Variants in KIAA0753 observed in about 807,000 individuals in gnomAD.
The protein encoded by KIAA0753 is protein moonraker.
A neutral mutation model predicts 116.9 loss-of-function variants in KIAA0753; 114 were observed. The ratio of observed to expected loss-of-function variants is 0.98; its 90% CI spans 0.84 to 1.14. The LOEUF (loss-of-function observed/expected upper bound fraction) is 1.14. Ranked by LOEUF, KIAA0753 falls within the 50% of genes most tolerant of loss-of-function variation. KIAA0753 has a pLI of 0.00. For missense variants in KIAA0753, 1,156 were observed against 1,172.4 expected, an observed-to-expected ratio of 0.99 and a Z score of 0.20; for synonymous variants, 405 against 413.1, an observed-to-expected ratio of 0.98 and a Z score of 0.24.
At chr17:6,635,979 C>T (rs1770307686) in intron 1 of KIAA0753, 1 of 152,146 alleles carries the variant, frequency 6.6e-6, no homozygotes. Context: ...CTTCTATTTC[C>T]CATTACAAAG....
At chr17:6,581,531 G>C (rs1968179588) in intron 18 of KIAA0753, among the ~76,000 whole-genome samples, 1 of 152,176 alleles carries the variant, frequency 6.6e-6, no homozygotes, top group Admixed American at 6.5e-5. Flanking sequence ...GATACTTTGA[G>C]ACTATGTAAA....
At chr17:6,631,154 A>C (rs558749129) in intron 2 of KIAA0753, among the ~76,000 whole-genome samples, 2 of 152,352 alleles carry the variant, frequency 1.3e-5, no homozygotes, top group South Asian at 4.1e-4. Flanking sequence ...AGGATAGTGG[A>C]AAACCCCCAA....
At chr17:6,590,404 A>G in intron 17 of KIAA0753, 106 bp downstream of exon 17, 1 of 1,390,158 alleles carries the variant, frequency 7.2e-7, no homozygotes, top group Non-Finnish European at 9.9e-7. Context: ...GATCTTGCTC[A>G]AAGGAAGAAT....
rs1453688528 is a variant in KIAA0753, at chr17:6,611,838, G to C, written c.1545+81C>G. 7.1e-6 allele frequency: 8 copies of C among 1,129,312 alleles called. No individual in the cohort carries two copies. The East Asian group carries it at 1.6e-4, about 23-fold the overall frequency. The allele number at this position is 1,129,312 out of a possible 1,614,324, so 70.0% of individuals were successfully genotyped here. A position where few individuals can be genotyped will look rare whatever the true frequency, so the allele number is the denominator to read the frequency against. On this transcript the variant is annotated intron_variant, in intron 8 of 18. Transcript: ENST00000361413. ...GCAGCATCCAATTGCCTGAGAACTG[G>C]CTCCACCATATACCAGTTTATGTGA...
Position 6,639,829 on chromosome 17 carries a change from T to G in KIAA0753, c.-69+808A>C, listed in dbSNP as rs1489549191. 6.5e-6 allele frequency: 1 copy of G among 152,872 alleles called. No individual in the cohort carries two copies. The allele number at this position is 152,872 out of a possible 1,614,324, so 9.5% of individuals were successfully genotyped here. On this transcript the variant is annotated intron_variant, in intron 1 of 18. Coordinates refer to ENST00000361413, the MANE Select transcript of KIAA0753 (RefSeq NM_014804.3). The surrounding 1 kb of genome is among the most constrained non-coding windows in gnomAD (Gnocchi z 4.3). The stretch of plus-strand genomic sequence containing the variant: ...CAGCCACAGGTGCAGAATGCTCTCA[T>G]GGCCCAGAGATCCCGGGCGACCTTT...
rs1597450416 is a variant in KIAA0753 at position 6,583,132 on chromosome 17, A to G, written c.2787-3268T>C. On this transcript the variant is annotated intron_variant, in intron 18 of 18. Transcript: ENST00000361413. ...GGTCTACTGCTAATTCAGCTTTGTT[A>G]AGAAACTCTTTTCTCACCTTGCCTT... 2.0e-5 allele frequency among the ~76,000 whole-genome samples: 3 copies of G among 152,294 alleles called. 1 individual carries two copies. The South Asian group carries it at 6.2e-4, about 32-fold the overall frequency.
chr17:6,596,541 G>C (rs1253795123), intron 14 of KIAA0753, among the ~76,000 whole-genome samples, 198 bp from the exon 15 acceptor site: 3 of 152,170 alleles, frequency 2.0e-5, no homozygotes, highest in African/African-American at 7.2e-5. Flanking sequence ...ACATCAGAAT[G>C]ATTTTTATCA....
At chr17:6,618,250 ACG>A (rs1450031030) in intron 7 of KIAA0753, among the ~76,000 whole-genome samples, 1 of 152,158 alleles carries the variant, frequency 6.6e-6, no homozygotes, top group African/African-American at 2.4e-5. Flanking sequence ...AATTTGTCCT[ACG>A]CATCTCTTCC....
chr17:6,635,750 G>C (rs1311549641), intron 1 of KIAA0753: 1 of 149,718 alleles, frequency 6.7e-6, no homozygotes, highest in Non-Finnish European at 1.5e-5. Flanking sequence ...ATGTACACAA[G>C]ATAATAGATA....
chr17:6,626,701 A>C (rs74620257), intron 3 of KIAA0753, among the ~76,000 whole-genome samples: 3,147 of 152,318 alleles, frequency 0.021, 105 homozygotes, highest in African/African-American at 0.07. Flanking sequence ...ACAGAAATTT[A>C]AAGTATATGT....
Position 6,610,178 on chromosome 17 carries a change from G to A in KIAA0753, c.1546-18C>T. ...CGGAGTCCCTGTGAGAGATAAGTAA[G>A]AATTATAAGGCCACACAAATACCAA... On this transcript the variant is annotated intron_variant, in intron 8 of 18. Transcript: ENST00000361413. 6.2e-7 allele frequency: 1 copy of A among 1,613,266 alleles called. No individual in the cohort carries two copies. Among genetic ancestry groups the A allele is most frequent in the South Asian group, 1.1e-5 (1 of 91,022 alleles).
Position 6,607,373 on chromosome 17 carries a change from C to T in KIAA0753, c.1830-103G>A. 3.5e-6 allele frequency: 3 copies of T among 853,536 alleles called. No individual in the cohort carries two copies. In the South Asian group the frequency reaches 4.2e-5, roughly 12 times the overall value. The allele number at this position is 853,536 out of a possible 1,614,324, so 52.9% of individuals were successfully genotyped here. A position where few individuals can be genotyped will look rare whatever the true frequency, so the allele number is the denominator to read the frequency against. Reference sequence around the variant, plus strand: ...ATCAGGACCACTGCAGAGCAGAGCACCAATCCAGGCTCTATTAAGCTACTC... The same window carrying T: ...ATCAGGACCACTGCAGAGCAGAGCATCAATCCAGGCTCTATTAAGCTACTC... On this transcript the variant is annotated intron_variant, in intron 10 of 18. Coordinates refer to ENST00000361413, the MANE Select transcript of KIAA0753 (RefSeq NM_014804.3).
At chr17:6,610,881 T>C (rs542726593) in intron 8 of KIAA0753, among the ~76,000 whole-genome samples, 1 of 152,340 alleles carries the variant, frequency 6.6e-6, no homozygotes, top group Admixed American at 6.5e-5. Context: ...GGCGCACCCA[T>C]CTGAATTCCT....
intron 12 of KIAA0753, among the ~76,000 whole-genome samples, chr17:6,605,850 G>A (rs546933200): frequency 1.3e-5 from 2 of 152,224 alleles, no homozygotes; most frequent in South Asian, 4.1e-4. Context: ...CATTCAGTAT[G>A]TTCTTCTATA....
At chr17:6,591,178 T>C (rs1969039424) in intron 16 of KIAA0753, among the ~76,000 whole-genome samples, 1 of 152,218 alleles carries the variant, frequency 6.6e-6, no homozygotes, top group East Asian at 1.9e-4. Flanking sequence ...AAAATCTGCA[T>C]GATGATTGTC....
At chr17:6,597,965 ATACTCTGCAG>A (rs1202980902) in intron 14 of KIAA0753, among the ~76,000 whole-genome samples, 2 of 152,242 alleles carry the variant, frequency 1.3e-5, no homozygotes, top group Non-Finnish European at 2.9e-5. Flanking sequence ...GCTGCCTGGA[ATACTCTGCAG>A]TGAAGCTGCT....
chr17:6,620,771 C>G lies in KIAA0753; in HGVS notation c.1315+17G>C, dbSNP rs1461415341. 6.2e-6 allele frequency: 10 copies of G among 1,607,664 alleles called. No individual in the cohort carries two copies. The South Asian group carries it at 1.1e-4, about 18-fold the overall frequency. On this transcript the variant is annotated intron_variant, in intron 7 of 18. Coordinates refer to ENST00000361413, the MANE Select transcript of KIAA0753 (RefSeq NM_014804.3). Reference sequence around the variant, plus strand: ...AATGAATAAAATGTCTTACAATAAACACTTTAAGACACATACCGGCAAGAA... The same window carrying G: ...AATGAATAAAATGTCTTACAATAAAGACTTTAAGACACATACCGGCAAGAA...
At chr17:6,623,688 ACTTG>A in intron 4 of KIAA0753, 117 bp from the exon 5 acceptor site, 2 of 1,381,640 alleles carry the variant, frequency 1.4e-6, no homozygotes, top group African/African-American at 1.5e-5. Context: ...AATTCAAGTC[ACTTG>A]AAAATGAAAA....
chr17:6,624,891 T>A (rs368245004), intron 3 of KIAA0753, 30 bp from the exon 4 acceptor site: 3 of 1,412,280 alleles, frequency 2.1e-6, no homozygotes, highest in African/African-American at 1.4e-5. Flanking sequence ...TCCCCAAAAG[T>A]GGATTATAAA....
Sources: gnomAD v4.1 joint callset for allele counts (sites outside exome capture counted in the v4.1 genomes callset) on GRCh38, gnomAD v4.1.1 for gene constraint, Gnocchi (gnomAD v3.1) non-coding constraint, MANE v1.5 for transcripts, NCBI Gene and HGNC (gene_info 2026-07-23, HGNC 2026-07-21) for gene names.